Variants in NACC2 observed in about 807,000 individuals in gnomAD.
The protein encoded by NACC2 is NACC family member 2.
In NACC2, 8 loss-of-function variants were observed where a neutral mutation model predicts 25.1. The observed-to-expected ratio is 0.32, with a 90% CI of 0.19 to 0.57. The LOEUF (loss-of-function observed/expected upper bound fraction) is 0.57, where lower values mean the gene tolerates loss of function less well. Ranked by LOEUF, NACC2 falls within the 20% of genes least tolerant of loss-of-function variation. The pLI is 0.89. For synonymous variants in NACC2, 435 were observed against 294.7 expected, an observed-to-expected ratio of 1.48 and a Z score of -4.88; for missense variants, 644 against 650.2, an observed-to-expected ratio of 0.99 and a Z score of 0.10.
At chr9:136,023,915 C>T (rs1237642102) in intron 2 of NACC2, among the ~76,000 whole-genome samples, 1 of 152,256 alleles carries the variant, frequency 6.6e-6, no homozygotes, top group Non-Finnish European at 1.5e-5. Context: ...GTACCCACCG[C>T]CATACACACG....
intron 2 of NACC2, among the ~76,000 whole-genome samples, chr9:136,030,954 C>T (rs550588526): frequency 8.5e-5 from 13 of 152,266 alleles, no homozygotes; most frequent in Middle Eastern, 3.4e-3. Context: ...AACCACCGTG[C>T]CCGGCCAATA....
At chr9:136,024,502 A>AGTGT (rs752059608) in intron 2 of NACC2, among the ~76,000 whole-genome samples, 3 of 23,010 alleles carry the variant, frequency 1.3e-4, no homozygotes, top group African/African-American at 2.7e-4. Context: ...GTGAGGACAG[A>AGTGT]ATGTGTGTGT....
In NACC2 at chr9:136,007,340, C is replaced by G. The variant is rs902412013; in HGVS notation, c.*4176G>C. The G allele has an allele frequency of 6.5e-6, 1 of 154,218 alleles. No homozygotes were observed. Among genetic ancestry groups the G allele is most frequent in the Non-Finnish European group, 1.5e-5 (1 of 68,174 alleles). 9.6% of individuals were successfully genotyped at this position (154,218 alleles called of 1,614,324 possible). A position where few individuals can be genotyped will look rare whatever the true frequency, so the allele number is the denominator to read the frequency against. ...CTAAATGCTCCGGTGGTGACGTGCA[C>G]GCGCGTGCACACACACAGACACACG... is the stretch of plus-strand genomic sequence containing the variant. On this transcript the variant is annotated 3_prime_UTR_variant, in exon 6 of 6. Transcript: ENST00000277554.
At chr9:136,090,776 C>T (rs976953623) in intron 1 of NACC2, among the ~76,000 whole-genome samples, 15 of 152,198 alleles carry the variant, frequency 9.9e-5, no homozygotes, top group African/African-American at 3.6e-4. Flanking sequence ...CCAGGGAGGC[C>T]ACCCCCAGCC....
At chr9:136,078,562 T>C (rs1317220332) in intron 1 of NACC2, among the ~76,000 whole-genome samples, 1 of 152,166 alleles carries the variant, frequency 6.6e-6, no homozygotes, top group African/African-American at 2.4e-5. Context: ...CCTGGAACCG[T>C]ACCTGGATGC....
At chr9:136,039,691 C>T (rs1166313267) in intron 2 of NACC2, among the ~76,000 whole-genome samples, 1 of 152,172 alleles carries the variant, frequency 6.6e-6, no homozygotes, top group African/African-American at 2.4e-5. Context: ...CTAACTGATG[C>T]AATACACCAT....
chr9:136,047,955 T>C (rs1342382156), intron 2 of NACC2, among the ~76,000 whole-genome samples: 2 of 152,138 alleles, frequency 1.3e-5, no homozygotes, highest in African/African-American at 2.4e-5. Context: ...CAAGGTCACA[T>C]TGGAGCAGCA....
intron 1 of NACC2, among the ~76,000 whole-genome samples, chr9:136,053,584 G>C (rs1470728685): frequency 6.6e-6 from 1 of 152,206 alleles, no homozygotes; most frequent in Non-Finnish European, 1.5e-5. Context: ...AGCTCGGCAA[G>C]GGCTGAATGC....
At position 136,050,526 on chromosome 9, in the gene NACC2, G is replaced by A; in HGVS notation, c.-5C>T. ...GATGTGCAGCATCTGAGACATGGCG[G>A]GCGGGCAGCGGCGGGGCTGGGCTCT... On this transcript the variant is annotated 5_prime_UTR_variant, in exon 2 of 6. Transcript: ENST00000277554. 1 of 758,196 alleles carries A rather than the reference G, an allele frequency of 1.3e-6. No individual in the cohort carries two copies. The highest frequency in any genetic ancestry group is 1.4e-5 in the South Asian group (1 of 73,642). 47.0% of individuals were successfully genotyped at this position (758,196 alleles called of 1,614,324 possible).
intron 2 of NACC2, among the ~76,000 whole-genome samples, chr9:136,031,530 G>GT (rs1039579662): frequency 7.9e-5 from 12 of 152,232 alleles, no homozygotes; most frequent in Admixed American, 5.2e-4. Flanking sequence ...TAGAGATGGG[G>GT]TTTCACTGTG....
intron 3 of NACC2, among the ~76,000 whole-genome samples, chr9:136,014,351 C>T (rs1297314397): frequency 6.6e-6 from 1 of 152,124 alleles, no homozygotes; most frequent in East Asian, 1.9e-4. Flanking sequence ...GTTGCCCAGG[C>T]TGGAGAGCAG....
At chr9:136,031,583 C>T (rs1211292989) in intron 2 of NACC2, among the ~76,000 whole-genome samples, 1 of 152,048 alleles carries the variant, frequency 6.6e-6, no homozygotes, top group Non-Finnish European at 1.5e-5. Context: ...AGTGATCCAC[C>T]CGCCTCGGCC....
chr9:136,017,834 T>G (rs922425045), intron 2 of NACC2, among the ~76,000 whole-genome samples: 1 of 152,162 alleles, frequency 6.6e-6, no homozygotes, highest in Non-Finnish European at 1.5e-5. Flanking sequence ...CCTGGGCTCC[T>G]GCACACCCTA....
At chr9:136,083,530 C>A (rs1034181729) in intron 1 of NACC2, among the ~76,000 whole-genome samples, 12 of 152,266 alleles carry the variant, frequency 7.9e-5, no homozygotes, top group African/African-American at 2.9e-4. Flanking sequence ...ATGAGAGCTT[C>A]CCAGATTTAG....
At chr9:136,041,015 G>GAAAGGAAGGAAGA (rs1388926458) in intron 2 of NACC2, among the ~76,000 whole-genome samples, 32 of 93,494 alleles carry the variant, frequency 3.4e-4, no homozygotes, top group Middle Eastern at 9.9e-3. Context: ...AGGAAGGAAG[G>GAAAGGAAGGAAGA]AAAGGAAAGG....
At position 136,049,872 on chromosome 9, in the gene NACC2, T is replaced by C. The variant is rs1368123552; in HGVS notation, c.650A>G (p.Lys217Arg). The C allele has an allele frequency of 3.1e-6, 2 of 636,206 alleles. No homozygotes were observed. The highest frequency in any genetic ancestry group is 3.4e-5 in the South Asian group (2 of 58,160). 39.4% of individuals were successfully genotyped at this position (636,206 alleles called of 1,614,324 possible). A position where few individuals can be genotyped will look rare whatever the true frequency, so the allele number is the denominator to read the frequency against. ...CCCGTAGTAGGAGACACGGGGCAGT[T>C]TGAGAGGGGCTGTGCCCGCCGCCAC... ...AAVAAGTAPL[K>R]LPRVSYYGVP... Residue 217 changes from lysine to arginine, a missense_variant, in exon 2 of 6, where the codon AAA (lysine) becomes AGA (arginine). By Grantham distance (26) the Lys-to-Arg change is conservative. Transcript: ENST00000277554.
chr9:136,063,935 A>G lies in NACC2; in HGVS notation c.-59-13355T>C, dbSNP rs576802624. 2.9e-3 allele frequency among the ~76,000 whole-genome samples: 446 copies of G among 152,088 alleles called. 4 individuals are homozygous for G. The highest frequency in any genetic ancestry group is 3.3e-3 in the Non-Finnish European group (222 of 67,994). ...AAATCACTTAAACAGCTGTGCCCTC[A>G]TCGGCTAGAAGATACTGTGCAACTT... On this transcript the variant is annotated intron_variant, in intron 1 of 5. Coordinates refer to ENST00000277554, the MANE Select transcript of NACC2 (RefSeq NM_144653.5).
At chr9:136,052,153 G>A (rs1840854826) in intron 1 of NACC2, among the ~76,000 whole-genome samples, 1 of 152,226 alleles carries the variant, frequency 6.6e-6, no homozygotes, top group African/African-American at 2.4e-5. Flanking sequence ...CCAGAGGAAT[G>A]CGCGGCCCCG....
In NACC2 at chr9:136,007,422, TGCACACATACACACAGAC is replaced by T. The variant is rs1840032970; in HGVS notation, c.*4076_*4093del. On this transcript the variant is annotated 3_prime_UTR_variant, in exon 6 of 6. Coordinates refer to ENST00000277554, the MANE Select transcript of NACC2 (RefSeq NM_144653.5). ...ACACGCACGTGCACACAGACGCGCG[TGCACACATACACACAGAC>T]GCGCACACACACGCGCACACAGACG... The T allele has an allele frequency of 7.8e-6, 1 of 128,708 alleles. No individual in the cohort carries two copies. The highest frequency in any genetic ancestry group is 1.8e-5 in the Non-Finnish European group (1 of 57,054). 8.0% of individuals were successfully genotyped at this position (128,708 alleles called of 1,614,324 possible).
Sources: gnomAD v4.1 joint callset for allele counts (sites outside exome capture counted in the v4.1 genomes callset) on GRCh38, gnomAD v4.1.1 for gene constraint, MANE v1.5 for transcripts, NCBI Gene and HGNC (gene_info 2026-07-23, HGNC 2026-07-21) for gene names.